Variants in SCML2 observed in about 807,000 individuals in gnomAD.
The protein encoded by SCML2 is Scm polycomb group protein like 2.
Under a neutral mutation model 48.4 loss-of-function variants are expected in SCML2, and 6 were observed. That is an observed-to-expected ratio of 0.12 (90% CI 0.07 to 0.24). The LOEUF is 0.24. Among genes scored for constraint, SCML2 ranks in the 10% least tolerant of loss-of-function variants. The pLI is 1.00. For synonymous variants in SCML2, 181 were observed against 189.5 expected (o/e 0.95, Z 0.37); for missense variants, 377 against 528.2 (o/e 0.71, Z 2.81).
In SCML2 at chrX:18,260,287, T is replaced by G. The variant is rs1234455787; in HGVS notation, c.953A>C (p.Lys318Thr). ...TGTAGAACATATCACGGGCAAAGGT[T>G]TTTCCTGTTAAAAACAAAGGGAAAA... ...KKGPNSGKKEKPLPVICSTSA... is the reference protein window; with the variant it reads ...KKGPNSGKKETPLPVICSTSA... The change falls in exon 9 of 15, where the codon AAA (lysine) becomes ACA (threonine). Residue 318 changes from lysine to threonine, a missense_variant. By Grantham distance (78) the Lys-to-Thr change is moderately conservative (BLOSUM62 -1). Coordinates refer to ENST00000251900, the MANE Select transcript of SCML2 (RefSeq NM_006089.3). 8.4e-7 allele frequency: 1 copy of G among 1,190,574 alleles called. No individual in the cohort carries two copies. Among genetic ancestry groups the G allele is most frequent in the South Asian group, 1.9e-5 (1 of 52,644 alleles).
intron 11 of SCML2, among the ~76,000 whole-genome samples, chrX:18,253,341 T>C (rs1037024391): frequency 8.9e-6 from 1 of 111,739 alleles, no homozygotes; most frequent in Non-Finnish European, 1.9e-5. Flanking sequence ...CTTCTGCAGA[T>C]CTTTTATATA....
At chrX:18,251,595 C>T (rs191535658) in intron 11 of SCML2, among the ~76,000 whole-genome samples, 349 of 111,919 alleles carry the variant, frequency 3.1e-3, no homozygotes, top group African/African-American at 0.011. Context: ...GATACCATTT[C>T]GCACCTGCTA....
chrX:18,284,593 A>T (rs2147502849), intron 7 of SCML2, among the ~76,000 whole-genome samples: 1 of 112,677 alleles, frequency 8.9e-6, no homozygotes, highest in African/African-American at 3.2e-5. Context: ...AAATGGACAC[A>T]GAACATGAAC....
intron 7 of SCML2, among the ~76,000 whole-genome samples, chrX:18,295,168 G>C (rs1928353664): frequency 9.0e-6 from 1 of 111,724 alleles, no homozygotes; most frequent in Admixed American, 9.4e-5. Context: ...ATACACACTT[G>C]CTCTGCCTGC....
chrX:18,348,904 G>A (rs867097100), intron 1 of SCML2, among the ~76,000 whole-genome samples: 35 of 111,778 alleles, frequency 3.1e-4, no homozygotes, highest in Middle Eastern at 4.6e-3. Context: ...TAAAACTGAT[G>A]AAAGGTAGGA....
chrX:18,288,090 T>C (rs940617456), intron 7 of SCML2, among the ~76,000 whole-genome samples: 3 of 111,514 alleles, frequency 2.7e-5, no homozygotes, highest in Non-Finnish European at 3.8e-5. Context: ...ATAATTCATC[T>C]AGCAACATGA....
chrX:18,317,554 C>T (rs1030194596), intron 6 of SCML2, among the ~76,000 whole-genome samples: 3 of 111,718 alleles, frequency 2.7e-5, no homozygotes, highest in Non-Finnish European at 5.6e-5. Context: ...AAAGAAAGGC[C>T]GGGCGCGGTG....
chrX:18,344,857 G>A (rs1930148575), intron 1 of SCML2, among the ~76,000 whole-genome samples: 2 of 111,332 alleles, frequency 1.8e-5, no homozygotes, highest in South Asian at 7.7e-4. Context: ...ACGGATCCAT[G>A]AGGGCAGGAG....
At chrX:18,320,217 C>T (rs1313151738) in intron 6 of SCML2, 115 bp downstream of exon 6, 9 of 443,896 alleles carry the variant, frequency 2.0e-5, no homozygotes, top group Non-Finnish European at 3.3e-5. Flanking sequence ...AATACACTTG[C>T]CAATCCAGTA....
chrX:18,241,636 A>T (rs1602068182), intron 14 of SCML2, among the ~76,000 whole-genome samples: 1 of 112,466 alleles, frequency 8.9e-6, no homozygotes, highest in Non-Finnish European at 1.9e-5. Context: ...CTGACTTTAA[A>T]TACTGTGTGT....
chrX:18,344,909 T>C (rs924782065), intron 1 of SCML2, among the ~76,000 whole-genome samples: 1 of 111,304 alleles, frequency 9.0e-6, no homozygotes, highest in Admixed American at 9.6e-5. Context: ...GATAATGGTG[T>C]TGGCAGTGGT....
intron 11 of SCML2, among the ~76,000 whole-genome samples, chrX:18,254,279 A>G (rs887494360): frequency 2.8e-4 from 31 of 112,318 alleles, no homozygotes; most frequent in African/African-American, 8.7e-4. Context: ...TAAAAAATGT[A>G]AGAGAAATGG....
Position 18,288,288 on chromosome X carries a change from T to C in SCML2, c.730+16684A>G, listed in dbSNP as rs1369188004. Among the ~76,000 whole-genome samples, 4 of 111,518 alleles carry C rather than the reference T, an allele frequency of 3.6e-5. No individual in the cohort carries two copies. The South Asian group carries it at 1.1e-3, about 31-fold the overall frequency. ...AAATGTTATTCACATTTTTGTATCA[T>C]AAAAAAACTTTTAATAAATCTCAGG... On this transcript the variant is annotated intron_variant, in intron 7 of 14. Transcript: ENST00000251900.
chrX:18,303,489 G>A (rs1480145985), intron 7 of SCML2, among the ~76,000 whole-genome samples: 2 of 111,680 alleles, frequency 1.8e-5, no homozygotes, highest in African/African-American at 3.3e-5. Context: ...TGCACCTTTT[G>A]TGATGCTTTC....
intron 7 of SCML2, among the ~76,000 whole-genome samples, chrX:18,304,270 T>C (rs1928687931): frequency 8.9e-6 from 1 of 111,830 alleles, no homozygotes; most frequent in African/African-American, 3.3e-5. Context: ...AGACCCCACT[T>C]AAGCCTCAGC....
intron 1 of SCML2, among the ~76,000 whole-genome samples, chrX:18,339,772 C>A (rs774894682): frequency 9.0e-6 from 1 of 110,844 alleles, no homozygotes; most frequent in Non-Finnish European, 1.9e-5. Context: ...CCTTTATGAG[C>A]CAAAACATCC....
At position 18,246,479 on chromosome X, in the gene SCML2, G is replaced by A; in HGVS notation, c.1822+98C>T. 7.2e-6 allele frequency: 7 copies of A among 978,580 alleles called. No individual in the cohort carries two copies. The South Asian group carries it at 1.7e-4, about 23-fold the overall frequency. 80.6% of individuals were successfully genotyped at this position (978,580 alleles called of 1,213,427 possible). A position where few individuals can be genotyped will look rare whatever the true frequency, so the allele number is the denominator to read the frequency against. ...AGAGGACTCAGCCTCCCAAATTTTAGCACTTTCTCCAATGTGATACTCTCA... is the reference window on the plus strand; with the variant it reads ...AGAGGACTCAGCCTCCCAAATTTTAACACTTTCTCCAATGTGATACTCTCA... On this transcript the variant is annotated intron_variant, in intron 13 of 14. Coordinates refer to ENST00000251900, the MANE Select transcript of SCML2 (RefSeq NM_006089.3).
intron 1 of SCML2, among the ~76,000 whole-genome samples, chrX:18,346,997 G>A (rs1376816236): frequency 9.0e-6 from 1 of 111,705 alleles, no homozygotes; most frequent in African/African-American, 3.3e-5. Flanking sequence ...ATCACATTAA[G>A]ATTCCACAAG....
intron 7 of SCML2, among the ~76,000 whole-genome samples, chrX:18,283,193 A>T (rs780195179): frequency 8.9e-6 from 1 of 112,468 alleles, no homozygotes; most frequent in African/African-American, 3.2e-5. Context: ...AATTAAAAGC[A>T]AAACCACACA....
Sources: gnomAD v4.1 joint callset for allele counts (sites outside exome capture counted in the v4.1 genomes callset) on GRCh38, gnomAD v4.1.1 for gene constraint, MANE v1.5 for transcripts, NCBI Gene and HGNC (gene_info 2026-07-23, HGNC 2026-07-21) for gene names.